DMD: variants seen among roughly 807,000 people sequenced by gnomAD.
DMD encodes the protein mutant dystrophin.
DMD carries 63 observed loss-of-function variants against 330.1 expected under a neutral mutation model. That is an observed-to-expected ratio of 0.19 (90% confidence interval 0.16 to 0.24). DMD has a LOEUF of 0.24. DMD is among the 10% of genes least tolerant of loss of function. The pLI is 1.00. For synonymous variants in DMD, 1,223 were observed against 959.8 expected, an observed-to-expected ratio of 1.27 and a Z score of -5.07; for missense variants, 3,344 against 2,684.1, an observed-to-expected ratio of 1.25 and a Z score of -5.43.
chrX:32,967,863 CT>C (rs1265952914), intron 2 of DMD, among the ~76,000 whole-genome samples: 1 of 111,833 alleles, frequency 8.9e-6, no homozygotes, highest in Non-Finnish European at 1.9e-5. Flanking sequence ...TCTATGCATT[CT>C]TCAAGACAGT....
At chrX:31,483,495 C>T (rs1050761554) in intron 57 of DMD, among the ~76,000 whole-genome samples, 2 of 112,442 alleles carry the variant, frequency 1.8e-5, no homozygotes, top group African/African-American at 3.2e-5. Flanking sequence ...TGAGAGACCA[C>T]GTGTTTGCCC....
chrX:31,543,802 T>C (rs779789362), intron 55 of DMD, among the ~76,000 whole-genome samples: 2 of 110,985 alleles, frequency 1.8e-5, no homozygotes, highest in South Asian at 3.9e-4. Context: ...TTATCTTGAG[T>C]GCAAATATAA....
chrX:32,022,774 C>T (rs1415347875), intron 44 of DMD, among the ~76,000 whole-genome samples: 1 of 108,061 alleles, frequency 9.3e-6, no homozygotes, highest in Non-Finnish European at 1.9e-5. Context: ...TCATATATTG[C>T]AAAAAAGGAT....
At chrX:32,735,552 T>C (rs2068342208) in intron 7 of DMD, among the ~76,000 whole-genome samples, 1 of 111,316 alleles carries the variant, frequency 9.0e-6, no homozygotes, top group African/African-American at 3.3e-5. Flanking sequence ...AGCATGGTAC[T>C]GGTACCAAAA....
At chrX:31,990,530 C>T (rs757567138) in intron 44 of DMD, among the ~76,000 whole-genome samples, 1 of 112,184 alleles carries the variant, frequency 8.9e-6, no homozygotes, top group Non-Finnish European at 1.9e-5. Flanking sequence ...TTTCCTTGCT[C>T]TAAGTTTGTT....
intron 76 of DMD, among the ~76,000 whole-genome samples, chrX:31,140,929 G>A (rs987984548): frequency 2.7e-5 from 3 of 111,798 alleles, no homozygotes; most frequent in African/African-American, 9.8e-5. Context: ...GGTGGCTCAT[G>A]CCTTTAATCC....
intron 76 of DMD, among the ~76,000 whole-genome samples, chrX:31,141,541 G>C (rs2036048780): frequency 9.0e-6 from 1 of 111,639 alleles, no homozygotes; most frequent in Non-Finnish European, 1.9e-5. Flanking sequence ...GCTAAATTTG[G>C]GCAGAAGTAG....
At chrX:31,142,746 A>G (rs2036222712) in intron 76 of DMD, among the ~76,000 whole-genome samples, 1 of 112,459 alleles carries the variant, frequency 8.9e-6, no homozygotes, top group Admixed American at 9.4e-5. Context: ...TATGGAGCCC[A>G]TGAGAGCCAA....
chrX:31,160,226 C>T (rs896825809), intron 74 of DMD, among the ~76,000 whole-genome samples: 8 of 110,880 alleles, frequency 7.2e-5, no homozygotes, highest in Non-Finnish European at 1.5e-4. Context: ...CCAAGTTATT[C>T]GGTGGGATAT....
chrX:32,366,159 G>A (rs1220119507), intron 34 of DMD, among the ~76,000 whole-genome samples: 1 of 112,105 alleles, frequency 8.9e-6, no homozygotes, highest in Non-Finnish European at 1.9e-5. Flanking sequence ...AGAGAGTAGT[G>A]ATGGAAAAAG....
intron 44 of DMD, among the ~76,000 whole-genome samples, chrX:32,124,344 G>A (rs905846890): frequency 1.8e-5 from 2 of 112,213 alleles, no homozygotes; most frequent in African/African-American, 6.5e-5. Context: ...AACGTTGTCC[G>A]AAGCTAGAGT....
chrX:33,258,125 A>G (rs1282151764), intron 1 of DMD, among the ~76,000 whole-genome samples: 1 of 111,545 alleles, frequency 9.0e-6, no homozygotes, highest in African/African-American at 3.2e-5. Context: ...TGTTTTATGC[A>G]TGACATTTTA....
chrX:32,513,147 CT>C (rs2045515093), intron 18 of DMD, among the ~76,000 whole-genome samples: 1 of 110,697 alleles, frequency 9.0e-6, no homozygotes, highest in African/African-American at 3.4e-5. Flanking sequence ...CTGTATGATG[CT>C]GGCATCCCTA....
At chrX:31,123,594 A>G (rs1041737747) in intron 78 of DMD, among the ~76,000 whole-genome samples, 2 of 112,131 alleles carry the variant, frequency 1.8e-5, no homozygotes, top group African/African-American at 3.2e-5. Context: ...TTGGCTGTCC[A>G]GCAACCCTGG....
At chrX:31,753,906 C>G (rs557191637) in intron 51 of DMD, among the ~76,000 whole-genome samples, 1 of 111,410 alleles carries the variant, frequency 9.0e-6, no homozygotes, top group South Asian at 3.7e-4. Flanking sequence ...AGCATGTTAA[C>G]CAACTTTTTC....
At chrX:31,280,499 C>T in intron 62 of DMD, among the ~76,000 whole-genome samples, 1 of 111,746 alleles carries the variant, frequency 8.9e-6, no homozygotes, top group Non-Finnish European at 1.9e-5. Flanking sequence ...GGAGTAAGAA[C>T]GTTCTGTCAT....
chrX:32,719,396 G>C (rs1161593995), intron 7 of DMD, among the ~76,000 whole-genome samples: 1 of 111,347 alleles, frequency 9.0e-6, no homozygotes, highest in African/African-American at 3.3e-5. Context: ...TTGTTTCTCT[G>C]TGTGAGTGTA....
chrX:31,575,858 C>T (rs951366589), intron 55 of DMD, among the ~76,000 whole-genome samples: 1 of 111,943 alleles, frequency 8.9e-6, no homozygotes, highest in African/African-American at 3.2e-5. Flanking sequence ...CATATGTTGG[C>T]ACATAACATT....
chrX:32,078,261 TA>T (rs1371129949), intron 44 of DMD, among the ~76,000 whole-genome samples: 22 of 112,168 alleles, frequency 2.0e-4, no homozygotes, highest in African/African-American at 7.1e-4. Flanking sequence ...AACACTGATT[TA>T]TTTTTTTCTC....
Sources: allele counts gnomAD v4.1 joint callset (sites outside exome capture counted in the v4.1 genomes callset), GRCh38; gene constraint gnomAD v4.1.1; transcripts MANE v1.5; gene names NCBI Gene and HGNC (gene_info 2026-07-23, HGNC 2026-07-21).